MORC1: variants seen among roughly 807,000 people sequenced by gnomAD.
MORC1 encodes the protein MORC family CW-type zinc finger protein 1.
A neutral mutation model predicts 134.9 loss-of-function variants in MORC1; 59 were observed. The ratio of observed to expected loss-of-function variants is 0.44; its 90% CI spans 0.35 to 0.54. The LOEUF (loss-of-function observed/expected upper bound fraction) is 0.54, where lower values mean the gene tolerates loss of function less well. MORC1 is among the 20% of genes least tolerant of loss of function. MORC1 has a pLI of 0.00. For synonymous variants in MORC1, 395 were observed against 391.7 expected (o/e 1.01, Z -0.10); for missense variants, 947 against 1,134.5 (o/e 0.83, Z 2.37).
chr3:109,033,345 G>GAA (rs1244653267), intron 15 of MORC1, among the ~76,000 whole-genome samples: 8 of 146,048 alleles, frequency 5.5e-5, no homozygotes, highest in Non-Finnish European at 1.1e-4. Context: ...AGGAAGGAAG[G>GAA]GAAGTTAGTT....
At chr3:109,025,329 A>C (rs1949047468) in intron 17 of MORC1, among the ~76,000 whole-genome samples, 1 of 149,818 alleles carries the variant, frequency 6.7e-6, no homozygotes, top group African/African-American at 2.5e-5. Context: ...ACTTCAAGAT[A>C]CAAGTATCAC....
chr3:109,039,496 CA>C (rs1949460731), intron 14 of MORC1, among the ~76,000 whole-genome samples: 1 of 152,130 alleles, frequency 6.6e-6, no homozygotes, highest in Non-Finnish European at 1.5e-5. Context: ...TCTGTTTCAC[CA>C]CCTAGACAAA....
chr3:109,054,597 T>C, intron 14 of MORC1, 131 bp downstream of exon 14: 1 of 806,164 alleles, frequency 1.2e-6, no homozygotes, highest in East Asian at 3.0e-5. Context: ...ACTCCTGTTT[T>C]TAAAGCAGGA....
intron 22 of MORC1, among the ~76,000 whole-genome samples, chr3:108,985,734 A>C (rs940102786): frequency 6.6e-6 from 1 of 152,202 alleles, no homozygotes; most frequent in Admixed American, 6.5e-5. Flanking sequence ...TGAGTATTTA[A>C]AATTAAATAT....
rs1028506952 is a variant in MORC1, at chr3:109,035,325, G to A, written c.1459+15C>T. 2.5e-6 allele frequency: 4 copies of A among 1,571,980 alleles called. No individual in the cohort carries two copies. The highest frequency in any genetic ancestry group is 3.4e-6 in the Non-Finnish European group (4 of 1,159,666). ...CCCTTAACATTTGGTAATTATAATG[G>A]ACTTCAACACTCACCACATTGTATG... On this transcript the variant is annotated intron_variant, in intron 15 of 27. Transcript: ENST00000232603.
chr3:109,044,458 T>C (rs2107643934), intron 14 of MORC1, among the ~76,000 whole-genome samples: 1 of 151,190 alleles, frequency 6.6e-6, no homozygotes, highest in Admixed American at 6.6e-5. Context: ...CTTGGGAGGC[T>C]GAGGCAGGAG....
chr3:108,983,604 C>T (rs1264650950), intron 23 of MORC1, among the ~76,000 whole-genome samples: 1 of 152,154 alleles, frequency 6.6e-6, no homozygotes, highest in Non-Finnish European at 1.5e-5. Context: ...GAGATTCAAA[C>T]AGATAACTTC....
chr3:109,070,466 CTA>C (rs2107708746), intron 8 of MORC1, among the ~76,000 whole-genome samples: 2 of 152,240 alleles, frequency 1.3e-5, no homozygotes, highest in South Asian at 4.1e-4. Flanking sequence ...CAGGGAACTT[CTA>C]TATTAAAGTC....
chr3:109,088,989 CACTT>C (rs1316219630), intron 8 of MORC1, among the ~76,000 whole-genome samples: 1 of 152,074 alleles, frequency 6.6e-6, no homozygotes, highest in African/African-American at 2.4e-5. Context: ...TGCAGGTTCT[CACTT>C]ACAAGTGCAA....
At chr3:109,108,895 G>A (rs987561797) in intron 3 of MORC1, among the ~76,000 whole-genome samples, 10 of 83,136 alleles carry the variant, frequency 1.2e-4, no homozygotes, top group Admixed American at 3.0e-4. Context: ...GCGAGACTCC[G>A]TCTCACAAAA....
chr3:109,035,224 T>C, intron 15 of MORC1, 116 bp downstream of exon 15: 1 of 962,272 alleles, frequency 1.0e-6, no homozygotes, highest in East Asian at 2.7e-5. Flanking sequence ...GACTGTAAAC[T>C]CCTGGAAAGC....
At chr3:108,999,783 T>A (rs905656912) in intron 21 of MORC1, among the ~76,000 whole-genome samples, 3 of 152,192 alleles carry the variant, frequency 2.0e-5, no homozygotes, top group African/African-American at 7.2e-5. Flanking sequence ...AATGAAACTA[T>A]AATGAGTAAT....
At chr3:109,109,810 G>A (rs1308893993) in intron 3 of MORC1, 1 of 152,242 alleles carries the variant, frequency 6.6e-6, no homozygotes, top group South Asian at 2.1e-4. Context: ...CTTGTCCCAG[G>A]GCAAAAGAGT....
intron 20 of MORC1, among the ~76,000 whole-genome samples, chr3:109,004,291 G>C (rs939553539): frequency 6.6e-6 from 1 of 152,108 alleles, no homozygotes; most frequent in East Asian, 1.9e-4. Context: ...GACTCTTTAA[G>C]GTCGAATTTA....
In MORC1 at chr3:109,053,609, C is replaced by A. The variant is rs535987995; in HGVS notation, c.1330+1119G>T. Among the ~76,000 whole-genome samples the A allele has an allele frequency of 2.3e-3, 355 of 151,982 alleles. 6 individuals are homozygous for A. The highest frequency in any genetic ancestry group is 2.3e-3 in the Non-Finnish European group (153 of 67,970). On this transcript the variant is annotated intron_variant, in intron 14 of 27. Transcript: ENST00000232603. Reference sequence around the variant, plus strand: ...TGAACATAAAGATGGAAACAATAGACACTGAGGAATATAAAAGAGGAGAGG... The same window carrying A: ...TGAACATAAAGATGGAAACAATAGAAACTGAGGAATATAAAAGAGGAGAGG...
At chr3:109,111,873 C>A (rs1951175045) in intron 2 of MORC1, among the ~76,000 whole-genome samples, 2 of 152,202 alleles carry the variant, frequency 1.3e-5, no homozygotes, top group African/African-American at 4.8e-5. Context: ...TTCCTCTAGC[C>A]AATTGCTGCT....
At chr3:109,086,517 C>T (rs766823852) in intron 8 of MORC1, among the ~76,000 whole-genome samples, 22 of 151,954 alleles carry the variant, frequency 1.4e-4, no homozygotes, top group South Asian at 4.1e-4. Context: ...CCCTGGTTCG[C>T]GTCCTGGTTA....
chr3:108,964,116 C>T (rs1458066854), intron 26 of MORC1, among the ~76,000 whole-genome samples: 2 of 152,162 alleles, frequency 1.3e-5, no homozygotes, highest in African/African-American at 4.8e-5. Context: ...AATTCCTGTT[C>T]TCACTCTCTT....
rs1320214667 is a variant in MORC1 at position 109,054,402 on chromosome 3, C to G, written c.1330+326G>C. Among the ~76,000 whole-genome samples the G allele has an allele frequency of 2.0e-5, 3 of 152,292 alleles. No homozygotes were observed. The East Asian group carries it at 5.8e-4, about 29-fold the overall frequency. Reference sequence around the variant, plus strand: ...GTCTGCATGGGACTATGTGCTCTCACACAGTGGAGTCCCAGTGCCCAGAGC... The same window carrying G: ...GTCTGCATGGGACTATGTGCTCTCAGACAGTGGAGTCCCAGTGCCCAGAGC... On this transcript the variant is annotated intron_variant, in intron 14 of 27. Transcript: ENST00000232603.
Sources: allele counts gnomAD v4.1 joint callset (sites outside exome capture counted in the v4.1 genomes callset), GRCh38; gene constraint gnomAD v4.1.1; transcripts MANE v1.5; gene names NCBI Gene and HGNC (gene_info 2026-07-23, HGNC 2026-07-21).